The following DENND1B variants were observed in gnomAD, a reference collection of about 807,000 sequenced individuals.
DENND1B encodes the protein DENN domain-containing protein 1B.
Under a neutral mutation model 90.1 loss-of-function variants are expected in DENND1B, and 59 were observed. That is an observed-to-expected ratio of 0.65 (90% CI 0.53 to 0.81). The LOEUF (loss-of-function observed/expected upper bound fraction) is 0.81, where lower values mean the gene tolerates loss of function less well. Ranked by LOEUF, DENND1B falls within the 40% of genes least tolerant of loss-of-function variation. DENND1B has a pLI of 0.00. For missense variants in DENND1B, 862 were observed against 912.6 expected (o/e 0.94, Z 0.71); for synonymous variants, 337 against 324.6 (o/e 1.04, Z -0.41).
chr1:197,647,171 C>A, intron 7 of DENND1B, 57 bp from the exon 8 acceptor site: 2 of 1,238,194 alleles, frequency 1.6e-6, no homozygotes, highest in Non-Finnish European at 2.1e-6. Flanking sequence ...GAAGCTTACA[C>A]AACAATTTGC....
chr1:197,713,798 A>T (rs1399957155), intron 3 of DENND1B, among the ~76,000 whole-genome samples: 1 of 35,130 alleles, frequency 2.8e-5, no homozygotes. Flanking sequence ...TAATATTATT[A>T]TATTATAATA....
intron 2 of DENND1B, chr1:197,735,647 G>C (rs1662585493): frequency 6.2e-7 from 1 of 1,614,058 alleles, no homozygotes; most frequent in African/African-American, 1.3e-5. Context: ...TGAAGGTCGA[G>C]CTATGCGGTT....
chr1:197,510,638 G>A lies in DENND1B; in HGVS notation c.2150C>T (p.Pro717Leu), dbSNP rs761601269. 7.3e-5 allele frequency: 118 copies of A among 1,612,560 alleles called. No homozygotes were observed. The highest frequency in any genetic ancestry group is 9.8e-5 in the Non-Finnish European group (116 of 1,179,206). Residue 717 changes from proline to leucine, a missense_variant, in exon 23 of 23, where the codon CCC (proline) becomes CTC (leucine). Physicochemically the swap from Pro to Leu is moderately conservative, Grantham distance 98. Coordinates refer to ENST00000620048, the MANE Select transcript of DENND1B (RefSeq NM_001195215.2). ...AGTCGATGAATGCCGCCCAAGACCG[G>A]GTATAAGCAGATCATCTGAAATCTG... is the stretch of plus-strand genomic sequence containing the variant. ...LSQISDDLLI[P>L]GLGRHSSTFV...
intron 3 of DENND1B, among the ~76,000 whole-genome samples, chr1:197,714,766 C>A (rs1180190846): frequency 2.0e-5 from 3 of 151,942 alleles, no homozygotes; most frequent in African/African-American, 7.2e-5. Context: ...ATAAATTAAA[C>A]AAGTATAAAA....
chr1:197,654,919 ATT>A (rs1653645026), intron 6 of DENND1B, among the ~76,000 whole-genome samples: 1 of 152,184 alleles, frequency 6.6e-6, no homozygotes, highest in African/African-American at 2.4e-5. Flanking sequence ...TGTCTATACC[ATT>A]TTAGCTGAAC....
intron 20 of DENND1B, among the ~76,000 whole-genome samples, chr1:197,528,872 A>C (rs1229635566): frequency 2.6e-5 from 4 of 151,568 alleles, no homozygotes; most frequent in African/African-American, 7.2e-5. Flanking sequence ...AAAAAAAAAA[A>C]ATTCTTATTT....
chr1:197,631,928 C>T (rs1679362654), intron 10 of DENND1B, among the ~76,000 whole-genome samples: 1 of 151,972 alleles, frequency 6.6e-6, no homozygotes, highest in Admixed American at 6.6e-5. Flanking sequence ...ACTAAGTAAA[C>T]ATTTGGTAAA....
chr1:197,751,468 G>GA (rs1483246840), intron 2 of DENND1B, among the ~76,000 whole-genome samples: 4 of 151,892 alleles, frequency 2.6e-5, no homozygotes, highest in African/African-American at 9.7e-5. Flanking sequence ...GATTACATTA[G>GA]AAAAAAAGAA....
At chr1:197,551,663 A>G (rs1671252283) in intron 16 of DENND1B, among the ~76,000 whole-genome samples, 1 of 152,106 alleles carries the variant, frequency 6.6e-6, no homozygotes, top group African/African-American at 2.4e-5. Flanking sequence ...TTGTCACAAA[A>G]TGTCATCTTC....
At chr1:197,565,935 T>C (rs1046039099) in intron 15 of DENND1B, among the ~76,000 whole-genome samples, 6 of 150,874 alleles carry the variant, frequency 4.0e-5, no homozygotes, top group Admixed American at 2.0e-4. Flanking sequence ...TTGTGAATAG[T>C]GCCGCAATAA....
At chr1:197,635,530 G>T (rs1679709529) in intron 10 of DENND1B, among the ~76,000 whole-genome samples, 1 of 151,522 alleles carries the variant, frequency 6.6e-6, no homozygotes. Flanking sequence ...TAGAGACAGG[G>T]TCTCACTACA....
intron 14 of DENND1B, among the ~76,000 whole-genome samples, chr1:197,591,272 G>A (rs116475293): frequency 6.6e-6 from 1 of 152,242 alleles, no homozygotes; most frequent in African/African-American, 2.4e-5. Flanking sequence ...GTGGGGATGG[G>A]GGCAGGGCAC....
intron 2 of DENND1B, chr1:197,734,131 TC>T: frequency 1.1e-6 from 1 of 937,382 alleles, no homozygotes; most frequent in Non-Finnish European, 1.3e-6. Flanking sequence ...AACTGTCATA[TC>T]TTTTCATATT....
At chr1:197,522,779 A>G (rs1233501785) in intron 20 of DENND1B, among the ~76,000 whole-genome samples, 1 of 152,112 alleles carries the variant, frequency 6.6e-6, no homozygotes, top group Non-Finnish European at 1.5e-5. Context: ...AATTTCATAT[A>G]TTAGAAGCTC....
chr1:197,754,223 T>C (rs556779136), intron 2 of DENND1B, among the ~76,000 whole-genome samples: 1 of 152,206 alleles, frequency 6.6e-6, no homozygotes, highest in South Asian at 2.1e-4. Context: ...ACACAGAGGC[T>C]CTCTAACTAT....
chr1:197,671,965 C>G, intron 5 of DENND1B, 72 bp downstream of exon 5: 1 of 1,396,596 alleles, frequency 7.2e-7, no homozygotes, highest in East Asian at 2.6e-5. Flanking sequence ...TTCTTCATCC[C>G]AAGCATAACA....
At chr1:197,699,327 A>T (rs1658780979) in intron 3 of DENND1B, among the ~76,000 whole-genome samples, 2 of 152,242 alleles carry the variant, frequency 1.3e-5, no homozygotes, top group Admixed American at 1.3e-4. Flanking sequence ...TTATTTCAAT[A>T]GATGCAGAAA....
At chr1:197,724,418 T>C (rs896326851) in intron 2 of DENND1B, among the ~76,000 whole-genome samples, 1 of 152,138 alleles carries the variant, frequency 6.6e-6, no homozygotes, top group African/African-American at 2.4e-5. Context: ...CTAAGAAACT[T>C]ACTGTAAATG....
intron 16 of DENND1B, among the ~76,000 whole-genome samples, chr1:197,551,224 CA>C (rs1021886292): frequency 3.3e-5 from 5 of 151,658 alleles, no homozygotes; most frequent in Non-Finnish European, 4.4e-5. Flanking sequence ...TTTTCATCTA[CA>C]AAAAAAGTCT....
Sources: gnomAD v4.1 joint callset for allele counts (sites outside exome capture counted in the v4.1 genomes callset) on GRCh38, gnomAD v4.1.1 for gene constraint, MANE v1.5 for transcripts, NCBI Gene and HGNC (gene_info 2026-07-23, HGNC 2026-07-21) for gene names.